Variants in SEC11A observed in about 807,000 individuals in gnomAD.
SEC11A encodes the protein signal peptidase complex catalytic subunit SEC11A.
SEC11A carries 14 observed loss-of-function variants against 25.6 expected under a neutral mutation model. The ratio of observed to expected loss-of-function variants is 0.55; its 90% CI spans 0.36 to 0.85. SEC11A has a LOEUF of 0.85. SEC11A is among the 40% of genes least tolerant of loss of function. SEC11A has a pLI of 0.01. For synonymous variants in SEC11A, 83 were observed against 76.4 expected (o/e 1.09, Z -0.45); for missense variants, 153 against 222.9 (o/e 0.69, Z 2.00).
At chr15:84,714,200 G>A (rs1247548579) in intron 1 of SEC11A, among the ~76,000 whole-genome samples, 2 of 152,040 alleles carry the variant, frequency 1.3e-5, no homozygotes, top group Admixed American at 6.6e-5. Context: ...ATTTTTAGTA[G>A]AGAGGGGGTT....
In SEC11A at chr15:84,669,659, ATT is replaced by A. The variant is rs1896928774; in HGVS notation, c.*358_*359del. 6 of 253,642 alleles carry A rather than the reference ATT, an allele frequency of 2.4e-5. No homozygotes were observed. The South Asian group carries it at 3.8e-4, about 16-fold the overall frequency. 15.7% of individuals were successfully genotyped at this position (253,642 alleles called of 1,614,324 possible). The stretch of plus-strand genomic sequence containing the variant: ...CGGTTTCAAACTCGTGCAGAGCTGC[ATT>A]TTCATTTACAAGTCTCTGTAGGCAC... On this transcript the variant is annotated 3_prime_UTR_variant, in exon 6 of 6. Transcript: ENST00000268220.
At chr15:84,685,423 CA>C (rs1897389807) in intron 3 of SEC11A, among the ~76,000 whole-genome samples, 1 of 138,378 alleles carries the variant, frequency 7.2e-6, no homozygotes, top group Non-Finnish European at 1.6e-5. Context: ...GTGCCTGACT[CA>C]TTTTTTTTTT....
chr15:84,716,110 A>T lies in SEC11A; in HGVS notation c.-35T>A. The T allele has an allele frequency of 6.2e-7, 1 of 1,608,282 alleles. No individual in the cohort carries two copies. Among genetic ancestry groups the T allele is most frequent in the African/African-American group, 1.3e-5 (1 of 74,968 alleles). On this transcript the variant is annotated 5_prime_UTR_variant, in exon 1 of 6. Transcript: ENST00000268220. ...GGCGAGCAGGACACCGGCAGGGGAA[A>T]GGGCGCGATGACCAGCGGGCGGAAC...
At chr15:84,672,228 T>TCTGCCCCTGACCATGCCC (rs1555422784) in intron 4 of SEC11A, 1 of 163,752 alleles carries the variant, frequency 6.1e-6, no homozygotes, top group African/African-American at 2.4e-5. Context: ...TGCCTCTGCC[T>TCTGCCCCTGACCATGCCC]CTGCCCCTGA....
intron 1 of SEC11A, among the ~76,000 whole-genome samples, chr15:84,693,336 G>A (rs1226231453): frequency 6.7e-6 from 1 of 150,136 alleles, no homozygotes; most frequent in South Asian, 2.1e-4. Context: ...AACTTTGGCT[G>A]GATCTTGGTT....
intron 4 of SEC11A, among the ~76,000 whole-genome samples, chr15:84,676,495 G>A (rs530654901): frequency 7.9e-5 from 12 of 151,340 alleles, no homozygotes; most frequent in South Asian, 2.1e-4. Context: ...TAAAGGAGGC[G>A]GAGTGCAGTG....
At chr15:84,704,615 G>A (rs1050311705) in intron 1 of SEC11A, among the ~76,000 whole-genome samples, 3 of 152,168 alleles carry the variant, frequency 2.0e-5, no homozygotes, top group African/African-American at 7.2e-5. Context: ...GGGTCTGTGT[G>A]TTGGAAGCCT....
At chr15:84,697,754 T>C (rs1897810502) in intron 1 of SEC11A, among the ~76,000 whole-genome samples, 1 of 152,232 alleles carries the variant, frequency 6.6e-6, no homozygotes, top group African/African-American at 2.4e-5. Flanking sequence ...GTGTTGCCTC[T>C]TTCTGTATTG....
intron 2 of SEC11A, 125 bp from the exon 3 acceptor site, chr15:84,687,899 A>G: frequency 1.3e-6 from 1 of 753,820 alleles, no homozygotes; most frequent in Non-Finnish European, 2.0e-6. Flanking sequence ...TAACAACTAT[A>G]TCAACAGAAA....
chr15:84,714,563 G>C (rs1898397648), intron 1 of SEC11A, among the ~76,000 whole-genome samples: 1 of 152,164 alleles, frequency 6.6e-6, no homozygotes, highest in Admixed American at 6.5e-5. Flanking sequence ...AGTAAACATA[G>C]GCACAGACAG....
chr15:84,710,978 G>A (rs1306539292), intron 1 of SEC11A, among the ~76,000 whole-genome samples: 2 of 151,742 alleles, frequency 1.3e-5, no homozygotes, highest in African/African-American at 2.4e-5. Context: ...GCTGAGGCAG[G>A]AGAATCGCTT....
At chr15:84,706,961 TAGAC>T (rs927629792) in intron 1 of SEC11A, among the ~76,000 whole-genome samples, 4 of 152,270 alleles carry the variant, frequency 2.6e-5, no homozygotes, top group South Asian at 2.1e-4. Flanking sequence ...ACTCAGAGAC[TAGAC>T]AGACAGTCAG....
intron 4 of SEC11A, among the ~76,000 whole-genome samples, chr15:84,678,468 A>G (rs1384160998): frequency 6.6e-6 from 1 of 152,220 alleles, no homozygotes; most frequent in Non-Finnish European, 1.5e-5. Flanking sequence ...AAACAATCAG[A>G]ATACCTAACA....
intron 3 of SEC11A, among the ~76,000 whole-genome samples, chr15:84,685,401 G>C (rs1313880956): frequency 6.6e-6 from 1 of 150,702 alleles, no homozygotes; most frequent in East Asian, 1.9e-4. Context: ...GGGACTACAA[G>C]TGCACACCAC....
intron 4 of SEC11A, chr15:84,671,598 A>G (rs533724115): frequency 6.6e-6 from 1 of 152,276 alleles, no homozygotes; most frequent in South Asian, 2.1e-4. Context: ...CTTTATAATA[A>G]TTATCATACT....
At chr15:84,671,018 G>T (rs1896969990) in intron 4 of SEC11A, 1 of 333,092 alleles carries the variant, frequency 3.0e-6, no homozygotes, top group Non-Finnish European at 5.5e-6. Context: ...GTTTCTGTGT[G>T]GCAGAACCAG....
intron 4 of SEC11A, 52 bp downstream of exon 4, chr15:84,680,661 G>T: frequency 6.7e-7 from 1 of 1,502,108 alleles, no homozygotes; most frequent in Non-Finnish European, 9.0e-7. Context: ...TGATTGAGAG[G>T]GCCACACTTC....
intron 1 of SEC11A, among the ~76,000 whole-genome samples, chr15:84,703,632 G>A (rs1898012031): frequency 6.6e-6 from 1 of 152,164 alleles, no homozygotes; most frequent in African/African-American, 2.4e-5. Flanking sequence ...GCAGCTTCAA[G>A]CGATACAGCA....
At chr15:84,677,556 T>C (rs1897170498) in intron 4 of SEC11A, among the ~76,000 whole-genome samples, 1 of 150,072 alleles carries the variant, frequency 6.7e-6, no homozygotes. Context: ...CACTGCAAGC[T>C]CCACCTCCCG....
Sources: allele counts gnomAD v4.1 joint callset (sites outside exome capture counted in the v4.1 genomes callset), GRCh38; gene constraint gnomAD v4.1.1; transcripts MANE v1.5; gene names NCBI Gene and HGNC (gene_info 2026-07-23, HGNC 2026-07-21).